The following C1QTNF3 variants were observed in gnomAD, a reference collection of about 807,000 sequenced individuals.
C1QTNF3 encodes C1q and TNF related 3.
A neutral mutation model predicts 32.6 loss-of-function variants in C1QTNF3; 26 were observed. The observed-to-expected ratio is 0.80, with a 90% confidence interval of 0.58 to 1.11. C1QTNF3 has a LOEUF of 1.11. Among genes scored for constraint, C1QTNF3 ranks in the 50% least tolerant of loss-of-function variants. The pLI, the probability that C1QTNF3 is intolerant of heterozygous loss-of-function variation, is 0.00. For missense variants in C1QTNF3, 362 were observed against 398.2 expected (o/e 0.91, Z 0.77); for synonymous variants, 155 against 146.0 (o/e 1.06, Z -0.44).
chr5:34,122,602 T>C, the C1QTNF3 span, among the ~76,000 whole-genome samples: 4 of 152,146 alleles, frequency 2.6e-5, no homozygotes, highest in South Asian at 8.3e-4. Context: ...GATTTAAAAT[T>C]GATTGTAACC....
the C1QTNF3 span, among the ~76,000 whole-genome samples, chr5:34,232,888 C>G: frequency 6.6e-6 from 1 of 150,768 alleles, no homozygotes; most frequent in Non-Finnish European, 1.5e-5. Context: ...AATTGTTTAA[C>G]TCCTTGCAAC....
chr5:34,090,639 G>C, the C1QTNF3 span, among the ~76,000 whole-genome samples: 27 of 152,142 alleles, frequency 1.8e-4, no homozygotes, highest in African/African-American at 6.3e-4. Context: ...AAACCTTATC[G>C]CCAGTGATGA....
chr5:34,039,518 G>A (rs1413464332), intron 1 of C1QTNF3, among the ~76,000 whole-genome samples: 4 of 152,124 alleles, frequency 2.6e-5, no homozygotes, highest in African/African-American at 9.7e-5. Flanking sequence ...CCTCCCTCAG[G>A]GCTCAGAGGA....
the C1QTNF3 span, among the ~76,000 whole-genome samples, chr5:34,077,076 T>G: frequency 6.6e-6 from 1 of 151,788 alleles, no homozygotes; most frequent in Non-Finnish European, 1.5e-5. Flanking sequence ...GAAATATACT[T>G]TTTTGTTGTT....
At chr5:34,063,077 T>C in the C1QTNF3 span, among the ~76,000 whole-genome samples, 36 of 152,154 alleles carry the variant, frequency 2.4e-4, no homozygotes, top group Non-Finnish European at 2.9e-5. Flanking sequence ...TAAGCCCTTG[T>C]TTACACTGAC....
Position 34,024,027 on chromosome 5 carries a change from T to C in C1QTNF3, c.701-19A>G, listed in dbSNP as rs1264670674. 3 of 1,600,010 alleles carry C rather than the reference T, an allele frequency of 1.9e-6. No homozygotes were observed. The highest frequency in any genetic ancestry group is 2.6e-6 in the Non-Finnish European group (3 of 1,167,934). On this transcript the variant is annotated intron_variant, in intron 4 of 5. Coordinates refer to ENST00000382065, the MANE Select transcript of C1QTNF3 (RefSeq NM_181435.6). Reference sequence around the variant, plus strand: ...TACACACCTGAAAAAAGCAGGTATATATCCATGTTGATATTAACATGTTAT... The same window carrying C: ...TACACACCTGAAAAAAGCAGGTATACATCCATGTTGATATTAACATGTTAT...
chr5:34,064,894 A>G, the C1QTNF3 span, among the ~76,000 whole-genome samples: 1 of 152,164 alleles, frequency 6.6e-6, no homozygotes, highest in South Asian at 2.1e-4. Context: ...TTCCAAGTCT[A>G]CTGATTTAAA....
chr5:34,069,988 A>T, the C1QTNF3 span, among the ~76,000 whole-genome samples: 2 of 152,230 alleles, frequency 1.3e-5, no homozygotes, highest in African/African-American at 4.8e-5. Context: ...TTCTTAATAT[A>T]TCAGAAATAT....
At chr5:34,071,692 G>C in the C1QTNF3 span, among the ~76,000 whole-genome samples, 2 of 152,144 alleles carry the variant, frequency 1.3e-5, no homozygotes, top group Admixed American at 1.3e-4. Context: ...GTCACCTTCA[G>C]CCAGGGGTGC....
At chr5:34,048,514 A>C in the C1QTNF3 span, among the ~76,000 whole-genome samples, 1 of 152,192 alleles carries the variant, frequency 6.6e-6, no homozygotes, top group African/African-American at 2.4e-5. Context: ...TGAATTTAGA[A>C]GCTGGAAGAA....
chr5:34,209,666 T>C, the C1QTNF3 span, among the ~76,000 whole-genome samples: 1 of 152,126 alleles, frequency 6.6e-6, no homozygotes, highest in African/African-American at 2.4e-5. Flanking sequence ...CATGCCTGTG[T>C]CATTTTAAAA....
chr5:34,080,438 A>T, the C1QTNF3 span, among the ~76,000 whole-genome samples: 1,882 of 151,852 alleles, frequency 0.012, 24 homozygotes, highest in South Asian at 0.029. Context: ...AAACATTTTT[A>T]AATATATATC....
chr5:34,123,545 C>T, the C1QTNF3 span, among the ~76,000 whole-genome samples: 1 of 151,820 alleles, frequency 6.6e-6, no homozygotes, highest in African/African-American at 2.4e-5. Flanking sequence ...AACTACTCTA[C>T]ACCCTGATCT....
At chr5:34,110,326 A>C in the C1QTNF3 span, among the ~76,000 whole-genome samples, 5 of 150,472 alleles carry the variant, frequency 3.3e-5, no homozygotes, top group Admixed American at 6.6e-5. Flanking sequence ...ACCAGAAAAA[A>C]CCCTGGAGGA....
chr5:34,109,705 G>A, the C1QTNF3 span, among the ~76,000 whole-genome samples: 1 of 152,232 alleles, frequency 6.6e-6, no homozygotes, highest in Non-Finnish European at 1.5e-5. Flanking sequence ...AAGTGATAGG[G>A]AACTCTGCTC....
the C1QTNF3 span, among the ~76,000 whole-genome samples, chr5:34,143,738 C>T: frequency 6.6e-6 from 1 of 152,154 alleles, no homozygotes; most frequent in Non-Finnish European, 1.5e-5. Context: ...ATACTGAGGA[C>T]ATTTGTTTCC....
chr5:34,042,352 T>C (rs1754889381), intron 1 of C1QTNF3, among the ~76,000 whole-genome samples: 1 of 152,166 alleles, frequency 6.6e-6, no homozygotes, highest in Admixed American at 6.5e-5. Context: ...CACAGTATAC[T>C]CACAAATCAA....
chr5:34,056,377 TACTTATTA>T, the C1QTNF3 span, among the ~76,000 whole-genome samples: 1 of 148,894 alleles, frequency 6.7e-6, no homozygotes, highest in Non-Finnish European at 1.5e-5. Context: ...CTAAGAATCA[TACTTATTA>T]ACTTTTACCA....
the C1QTNF3 span, among the ~76,000 whole-genome samples, chr5:34,058,435 C>T: frequency 1.6e-4 from 25 of 152,204 alleles, no homozygotes; most frequent in South Asian, 1.7e-3. Flanking sequence ...GTCGTATTTC[C>T]GGCCAAAGTA....
Sources: allele counts gnomAD v4.1 joint callset (sites outside exome capture counted in the v4.1 genomes callset), GRCh38; gene constraint gnomAD v4.1.1; transcripts MANE v1.5; gene names NCBI Gene and HGNC (gene_info 2026-07-23, HGNC 2026-07-21).